Variants in CCT6B observed in about 807,000 individuals in gnomAD.
The protein encoded by CCT6B is probable T-complex protein 1 subunit zeta-2.
A neutral mutation model predicts 61.5 loss-of-function variants in CCT6B; 49 were observed. The ratio of observed to expected loss-of-function variants is 0.80; its 90% confidence interval spans 0.63 to 1.01. The LOEUF is 1.01. Ranked by LOEUF, CCT6B falls within the 50% of genes least tolerant of loss-of-function variation. The probability of loss-of-function intolerance (pLI) is 0.00; values close to 1 mark genes in which losing one functional copy is unlikely to be tolerated. For synonymous variants in CCT6B, 228 were observed against 214.5 expected, an observed-to-expected ratio of 1.06 and a Z score of -0.55; for missense variants, 666 against 634.7, an observed-to-expected ratio of 1.05 and a Z score of -0.53.
chr17:34,941,354 T>C (rs1441213013), intron 7 of CCT6B, among the ~76,000 whole-genome samples: 1 of 152,176 alleles, frequency 6.6e-6, no homozygotes, highest in African/African-American at 2.4e-5. Context: ...TATAAAATGT[T>C]GTGTTATACA....
intron 5 of CCT6B, chr17:34,943,785 T>TA (rs2090193575): frequency 7.1e-6 from 1 of 141,188 alleles, no homozygotes; most frequent in Non-Finnish European, 1.6e-5. Flanking sequence ...AATAAATAAA[T>TA]AAATTTAAAA....
Position 34,942,477 on chromosome 17 carries a change from T to G in CCT6B, c.885+7A>C. 6.3e-7 allele frequency: 1 copy of G among 1,582,024 alleles called. No individual in the cohort carries two copies. The highest frequency in any genetic ancestry group is 1.2e-5 in the South Asian group (1 of 84,770). ...CAAATAACTAAAATCTAAACTTTCTTTCTCACCTTTTGATTAATGACGACA... is the reference window on the plus strand; with the variant it reads ...CAAATAACTAAAATCTAAACTTTCTGTCTCACCTTTTGATTAATGACGACA... On this transcript the variant is annotated splice_region_variant and intron_variant, in intron 7 of 13. Transcript: ENST00000314144.
chr17:34,944,920 C>T (rs564634856), intron 5 of CCT6B, among the ~76,000 whole-genome samples: 16 of 152,220 alleles, frequency 1.1e-4, no homozygotes, highest in East Asian at 3.9e-4. Flanking sequence ...AGCGAGACTC[C>T]GTCTCAAAAA....
At chr17:34,956,547 A>T (rs1183226762) in intron 3 of CCT6B, among the ~76,000 whole-genome samples, 1 of 151,754 alleles carries the variant, frequency 6.6e-6, no homozygotes, top group African/African-American at 2.4e-5. Context: ...TCCTAACCCA[A>T]CCCTAATTCA....
intron 5 of CCT6B, among the ~76,000 whole-genome samples, chr17:34,945,151 A>C (rs181189633): frequency 1.3e-3 from 200 of 152,168 alleles, no homozygotes; most frequent in African/African-American, 4.7e-3. Flanking sequence ...TCAAACTCTA[A>C]ACATCCAAGT....
Position 34,958,660 on chromosome 17 carries a change from T to TTTG in CCT6B, c.233_235dup (p.Ala78_Lys79insThr). 1.2e-6 allele frequency: 2 copies of TTTG among 1,601,966 alleles called. No homozygotes were observed. The highest frequency in any genetic ancestry group is 1.7e-6 in the Non-Finnish European group (2 of 1,174,848). ...GACGTCATCCTGAGCTGTTGCTACT[T>TTTG]TTGCTATCAAGGAAGCTGTTGGATG... On this transcript the variant is annotated inframe_insertion, in exon 3 of 14. Coordinates refer to ENST00000314144, the MANE Select transcript of CCT6B (RefSeq NM_006584.4).
intron 7 of CCT6B, 144 bp downstream of exon 7, chr17:34,942,340 G>A (rs1597746931): frequency 3.3e-6 from 2 of 604,982 alleles, no homozygotes; most frequent in South Asian, 2.3e-5. Context: ...CAATGTAAAA[G>A]GTGTAATTAT....
At chr17:34,939,108 G>GGTGT in intron 10 of CCT6B, 75 bp downstream of exon 10, 2 of 1,155,826 alleles carry the variant, frequency 1.7e-6, no homozygotes, top group South Asian at 1.5e-5. Context: ...TACATACATA[G>GGTGT]GTGTGTGTGT....
chr17:34,961,199 G>T, intron 1 of CCT6B, 58 bp downstream of exon 1: 1 of 1,543,724 alleles, frequency 6.5e-7, no homozygotes, highest in African/African-American at 1.4e-5. Flanking sequence ...GCCTCAGAGG[G>T]CGACAGGACA....
rs1426375849 is a variant in CCT6B, at chr17:34,932,599, T to C, written c.1214-99A>G. 18 of 1,095,072 alleles carry C rather than the reference T, an allele frequency of 1.6e-5. No individual in the cohort carries two copies. The East Asian group carries it at 3.9e-4, about 24-fold the overall frequency. The allele number at this position is 1,095,072 out of a possible 1,614,324, so 67.8% of individuals were successfully genotyped here. On this transcript the variant is annotated intron_variant, in intron 10 of 13. Transcript: ENST00000314144. ...TTCACTATTTAAGTATGTTCTATTATCTACAGAAACCAAATAAATTGCACA... is the reference window on the plus strand; with the variant it reads ...TTCACTATTTAAGTATGTTCTATTACCTACAGAAACCAAATAAATTGCACA...
At chr17:34,953,294 C>T (rs1344976468) in intron 4 of CCT6B, among the ~76,000 whole-genome samples, 5 of 148,766 alleles carry the variant, frequency 3.4e-5, no homozygotes, top group Non-Finnish European at 5.9e-5. Context: ...CCCAAAATAT[C>T]CAGCCAATCT....
At chr17:34,936,312 C>T (rs542203317) in intron 10 of CCT6B, among the ~76,000 whole-genome samples, 1 of 152,200 alleles carries the variant, frequency 6.6e-6, no homozygotes, top group East Asian at 1.9e-4. Flanking sequence ...CTTCCTCAAC[C>T]TGATAAAAAC....
chr17:34,934,469 G>A (rs74958558), intron 10 of CCT6B, among the ~76,000 whole-genome samples: 5,499 of 152,172 alleles, frequency 0.036, 307 homozygotes, highest in African/African-American at 0.12. Context: ...ATAGACAAAT[G>A]AGTATGGCCA....
In CCT6B at chr17:34,929,026, T is replaced by C. The variant is rs1026085948; in HGVS notation, c.1459A>G (p.Met487Val). Residue 487 changes from methionine (M) to valine (V), a missense_variant, in exon 13 of 14, where the codon ATG (methionine) becomes GTG (valine). Physicochemically the swap from Met to Val is conservative, Grantham distance 21. Transcript: ENST00000314144. ...VGVDLNTGEP[M>V]VAADAGVWDN... ...CAAACTCCTGCATCTGCTGCTACCA[T>C]TGGCTCACCTGAAAAGTAAAAACAA... 3 of 1,604,756 alleles carry C rather than the reference T, an allele frequency of 1.9e-6. No individual in the cohort carries two copies. The highest frequency in any genetic ancestry group is 3.3e-5 in the Admixed American group (2 of 59,796).
At position 34,952,069 on chromosome 17, in the gene CCT6B, A is replaced by G. The variant is rs761881676; in HGVS notation, c.511-16T>C. On this transcript the variant is annotated splice_polypyrimidine_tract_variant and intron_variant, in intron 4 of 13. Coordinates refer to ENST00000314144, the MANE Select transcript of CCT6B (RefSeq NM_006584.4). ...CCACCACAACCTGAAAGAGAAATGA[A>G]TGAGAACAGTTAAGTTATTTGGACT... 5 of 1,466,950 alleles carry G rather than the reference A, an allele frequency of 3.4e-6. No homozygotes were observed. Among genetic ancestry groups the G allele is most frequent in the Non-Finnish European group, 4.8e-6 (5 of 1,048,850 alleles). 90.9% of individuals were successfully genotyped at this position (1,466,950 alleles called of 1,614,324 possible).
At chr17:34,950,213 T>C (rs77405650) in intron 5 of CCT6B, among the ~76,000 whole-genome samples, 1 of 152,302 alleles carries the variant, frequency 6.6e-6, no homozygotes, top group East Asian at 1.9e-4. Flanking sequence ...TGCAGCTGAA[T>C]AGTACTTTGA....
intron 9 of CCT6B, 35 bp from the exon 10 acceptor site, chr17:34,939,365 T>C: frequency 1.3e-6 from 2 of 1,529,824 alleles, no homozygotes; most frequent in Non-Finnish European, 1.8e-6. Flanking sequence ...AACTTTAATA[T>C]TTGATGTCAT....
chr17:34,957,601 T>G (rs2090363320), intron 3 of CCT6B, among the ~76,000 whole-genome samples: 1 of 152,212 alleles, frequency 6.6e-6, no homozygotes, highest in African/African-American at 2.4e-5. Context: ...AGATAATCAT[T>G]TCCTTATTGT....
intron 3 of CCT6B, among the ~76,000 whole-genome samples, chr17:34,955,180 C>T (rs1327466971): frequency 6.6e-6 from 1 of 152,144 alleles, no homozygotes; most frequent in African/African-American, 2.4e-5. Context: ...GCATAAAAGG[C>T]AGCTCAGGAA....
Sources: allele counts gnomAD v4.1 joint callset (sites outside exome capture counted in the v4.1 genomes callset), GRCh38; gene constraint gnomAD v4.1.1; transcripts MANE v1.5; gene names NCBI Gene and HGNC (gene_info 2026-07-23, HGNC 2026-07-21).